SPCS2: variants seen among roughly 807,000 people sequenced by gnomAD.
The protein encoded by SPCS2 is signal peptidase complex subunit 2.
SPCS2 carries 3 observed loss-of-function variants against 22.3 expected under a neutral mutation model. That is an observed-to-expected ratio of 0.13 (90% CI 0.06 to 0.35). The LOEUF is 0.35. Among genes scored for constraint, SPCS2 ranks in the 10% least tolerant of loss-of-function variants. The pLI, the probability that SPCS2 is intolerant of heterozygous loss-of-function variation, is 1.00. For missense variants in SPCS2, 169 were observed against 280.9 expected, an observed-to-expected ratio of 0.60 and a Z score of 2.85; for synonymous variants, 67 against 97.2, an observed-to-expected ratio of 0.69 and a Z score of 1.83.
intron 4 of SPCS2, among the ~76,000 whole-genome samples, chr11:74,973,825 A>T (rs1260353191): frequency 6.6e-6 from 1 of 152,052 alleles, no homozygotes; most frequent in African/African-American, 2.4e-5. Flanking sequence ...CCTACTTCCA[A>T]GTACCTATCT....
intron 1 of SPCS2, among the ~76,000 whole-genome samples, chr11:74,958,996 A>G (rs959383639): frequency 6.6e-6 from 1 of 152,162 alleles, no homozygotes; most frequent in Non-Finnish European, 1.5e-5. Context: ...AATAAAGTTC[A>G]AGTTCTTTAG....
At chr11:74,970,585 A>G (rs1302417723) in intron 4 of SPCS2, among the ~76,000 whole-genome samples, 2 of 152,242 alleles carry the variant, frequency 1.3e-5, no homozygotes, top group Non-Finnish European at 2.9e-5. Flanking sequence ...AATTATTTAT[A>G]TATGAAGTTA....
intron 4 of SPCS2, among the ~76,000 whole-genome samples, chr11:74,971,474 G>C (rs1948584022): frequency 6.6e-6 from 1 of 152,166 alleles, no homozygotes; most frequent in African/African-American, 2.4e-5. Flanking sequence ...GTGTACAAGG[G>C]TTCTGATTTT....
At chr11:74,971,647 A>T (rs1366122211) in intron 4 of SPCS2, among the ~76,000 whole-genome samples, 4 of 152,090 alleles carry the variant, frequency 2.6e-5, no homozygotes, top group African/African-American at 9.6e-5. Context: ...TCTTATTCCC[A>T]CTGCCAGGTC....
chr11:74,954,499 A>G (rs1302241637), intron 1 of SPCS2, among the ~76,000 whole-genome samples: 3 of 152,218 alleles, frequency 2.0e-5, no homozygotes, highest in Admixed American at 6.5e-5. Flanking sequence ...CCCACCAACC[A>G]TATGTCCTTA....
chr11:74,967,988 C>T (rs1298565753), intron 3 of SPCS2, among the ~76,000 whole-genome samples: 1 of 152,038 alleles, frequency 6.6e-6, no homozygotes, highest in African/African-American at 2.4e-5. Context: ...CTCTAAATCT[C>T]ATGATAATTC....
At chr11:74,968,488 A>ATT (rs201991991) in intron 3 of SPCS2, among the ~76,000 whole-genome samples, 2 of 138,866 alleles carry the variant, frequency 1.4e-5, no homozygotes, top group Admixed American at 7.2e-5. Context: ...CATCCAGCTA[A>ATT]TTTTTTTTTG....
At position 74,953,477 on chromosome 11, in the gene SPCS2, G is replaced by A. The variant is rs571867858; in HGVS notation, c.114+4078G>A. On this transcript the variant is annotated intron_variant, in intron 1 of 4. Coordinates refer to ENST00000263672, the MANE Select transcript of SPCS2 (RefSeq NM_014752.3). ...CAAAGTGCGGGGTTTACAAGCGTGCGCCACCACACCCAGCCTAATATAATT... is the reference window on the plus strand; with the variant it reads ...CAAAGTGCGGGGTTTACAAGCGTGCACCACCACACCCAGCCTAATATAATT... Among the ~76,000 whole-genome samples, 46 of 152,244 alleles carry A rather than the reference G, an allele frequency of 3.0e-4. 1 individual carries two copies. In the South Asian group the frequency reaches 9.5e-3, roughly 32 times the overall value.
chr11:74,962,440 A>G (rs1033523454), intron 1 of SPCS2, among the ~76,000 whole-genome samples: 3 of 152,104 alleles, frequency 2.0e-5, no homozygotes, highest in African/African-American at 7.2e-5. Flanking sequence ...CTTCTTTTTA[A>G]TTTATCCTGT....
At chr11:74,962,977 C>G (rs1051124345) in intron 1 of SPCS2, among the ~76,000 whole-genome samples, 2 of 152,238 alleles carry the variant, frequency 1.3e-5, no homozygotes, top group African/African-American at 4.8e-5. Flanking sequence ...TGATGCAATG[C>G]AGGCAGTGAA....
chr11:74,949,872 T>A (rs1948343949), intron 1 of SPCS2, among the ~76,000 whole-genome samples: 1 of 152,202 alleles, frequency 6.6e-6, no homozygotes, highest in Non-Finnish European at 1.5e-5. Context: ...CGTTTTATCA[T>A]GATAGGCGAA....
rs763726910 is a variant in SPCS2 at position 74,969,661 on chromosome 11, T to G, written c.456T>G (p.Asp152Glu). 2 of 1,613,702 alleles carry G rather than the reference T, an allele frequency of 1.2e-6. No individual in the cohort carries two copies. The highest frequency in any genetic ancestry group is 1.1e-5 in the South Asian group (1 of 91,072). The change falls in exon 4 of 5, where the codon GAT (aspartate) becomes GAG (glutamate). Residue 152 changes from aspartate to glutamate, a missense_variant. Coordinates refer to ENST00000263672, the MANE Select transcript of SPCS2 (RefSeq NM_014752.3). Reference sequence around the variant, plus strand: ...ACAGGAAAGATCCTACAGGAATGGATCCTGATGATATTTGGCAGCTGTCCT... The same window carrying G: ...ACAGGAAAGATCCTACAGGAATGGAGCCTGATGATATTTGGCAGCTGTCCT... ...VAHRKDPTGMDPDDIWQLSSS... is the reference protein window; with the variant it reads ...VAHRKDPTGMEPDDIWQLSSS...
chr11:74,972,949 T>C (rs1948594637), intron 4 of SPCS2, among the ~76,000 whole-genome samples: 1 of 151,812 alleles, frequency 6.6e-6, no homozygotes. Flanking sequence ...TATATCATTC[T>C]CAGTAAACTA....
chr11:74,977,098 G>C lies in SPCS2; in HGVS notation c.*55G>C, dbSNP rs565261817. On this transcript the variant is annotated 3_prime_UTR_variant, in exon 5 of 5. Transcript: ENST00000263672. ...GGATCTTGCTGAATTAGTGGCTTGGGGGGTGGGGGAGATAAAAAGAACTTA... is the reference window on the plus strand; with the variant it reads ...GGATCTTGCTGAATTAGTGGCTTGGCGGGTGGGGGAGATAAAAAGAACTTA... 505 of 1,179,364 alleles carry C rather than the reference G, an allele frequency of 4.3e-4. 3 individuals are homozygous for C. The East Asian group carries it at 0.012, about 29-fold the overall frequency. 73.1% of individuals were successfully genotyped at this position (1,179,364 alleles called of 1,614,324 possible).
intron 4 of SPCS2, among the ~76,000 whole-genome samples, chr11:74,972,188 C>CCT (rs1224002527): frequency 1.3e-5 from 2 of 152,114 alleles, no homozygotes; most frequent in Non-Finnish European, 2.9e-5. Flanking sequence ...GCCTCAGCCT[C>CCT]CTGAGTAGCT....
intron 1 of SPCS2, among the ~76,000 whole-genome samples, chr11:74,955,848 TAAAATATATATATA>T: frequency 5.4e-5 from 2 of 37,102 alleles, no homozygotes; most frequent in African/African-American, 1.4e-4. Flanking sequence ...AATTACTAAT[TAAAATATATATATA>T]TATATATATA....
chr11:74,966,048 T>A, intron 3 of SPCS2, 125 bp downstream of exon 3: 1 of 848,428 alleles, frequency 1.2e-6, no homozygotes, highest in Non-Finnish European at 1.9e-6. Context: ...ATTCAACATT[T>A]TGAGCTGTGA....
intron 1 of SPCS2, among the ~76,000 whole-genome samples, chr11:74,958,210 A>G (rs1948490610): frequency 6.6e-6 from 1 of 152,242 alleles, no homozygotes; most frequent in Non-Finnish European, 1.5e-5. Flanking sequence ...GTTGTCACTA[A>G]TGTGTGTGCT....
intron 1 of SPCS2, among the ~76,000 whole-genome samples, chr11:74,961,475 C>G (rs1948513823): frequency 6.6e-6 from 1 of 152,128 alleles, no homozygotes; most frequent in Non-Finnish European, 1.5e-5. Context: ...AAGCATTTGC[C>G]TACATACATT....
Sources: gnomAD v4.1 joint callset for allele counts (sites outside exome capture counted in the v4.1 genomes callset) on GRCh38, gnomAD v4.1.1 for gene constraint, MANE v1.5 for transcripts, NCBI Gene and HGNC (gene_info 2026-07-23, HGNC 2026-07-21) for gene names.